Variants in KHDRBS2 observed in about 807,000 individuals in gnomAD.
The protein encoded by KHDRBS2 is KH RNA binding domain containing, signal transduction associated 2.
KHDRBS2 carries 26 observed loss-of-function variants against 44.3 expected under a neutral mutation model. That is an observed-to-expected ratio of 0.59 (90% CI 0.43 to 0.81). The LOEUF (loss-of-function observed/expected upper bound fraction) is 0.81, where lower values mean the gene tolerates loss of function less well. Among genes scored for constraint, KHDRBS2 ranks in the 40% least tolerant of loss-of-function variants. KHDRBS2 has a pLI of 0.00. For missense variants in KHDRBS2, 476 were observed against 433.1 expected (o/e 1.10, Z -0.88); for synonymous variants, 194 against 151.1 (o/e 1.28, Z -2.08).
chr6:61,715,954 A>G (rs1369782258), intron 7 of KHDRBS2, among the ~76,000 whole-genome samples: 1 of 141,106 alleles, frequency 7.1e-6, no homozygotes, highest in Non-Finnish European at 1.5e-5. Flanking sequence ...AAACTGACGT[A>G]GCAGGTTATA....
chr6:61,834,857 T>A (rs1792402767), intron 6 of KHDRBS2, among the ~76,000 whole-genome samples: 1 of 152,074 alleles, frequency 6.6e-6, no homozygotes, highest in Non-Finnish European at 1.5e-5. Flanking sequence ...TTAATACAGA[T>A]TTATTTTAAA....
chr6:61,939,174 C>T (rs1310960446), intron 4 of KHDRBS2, among the ~76,000 whole-genome samples: 1 of 152,124 alleles, frequency 6.6e-6, no homozygotes, highest in East Asian at 1.9e-4. Context: ...GTTGTGAAAT[C>T]TAATACACAT....
At chr6:62,114,206 G>A (rs1399481178) in intron 2 of KHDRBS2, among the ~76,000 whole-genome samples, 1 of 151,910 alleles carries the variant, frequency 6.6e-6, no homozygotes, top group African/African-American at 2.4e-5. Context: ...GATTTGGGTG[G>A]GACACAGCCA....
chr6:61,591,124 T>G, the KHDRBS2 span, among the ~76,000 whole-genome samples: 7 of 152,210 alleles, frequency 4.6e-5, no homozygotes, highest in Non-Finnish European at 1.5e-5. Context: ...TTTCTCATAC[T>G]GTGCTTCAGG....
At chr6:61,655,295 G>T in the KHDRBS2 span, among the ~76,000 whole-genome samples, 1 of 150,224 alleles carries the variant, frequency 6.7e-6, no homozygotes, top group African/African-American at 2.5e-5. Flanking sequence ...TTGCACTGTC[G>T]CCCAGACTGG....
chr6:62,023,164 A>G (rs1315493977), intron 3 of KHDRBS2, among the ~76,000 whole-genome samples: 1 of 151,762 alleles, frequency 6.6e-6, no homozygotes, highest in African/African-American at 2.4e-5. Context: ...CTAAAATTAT[A>G]TACTAATCCA....
chr6:61,610,187 T>A, the KHDRBS2 span, among the ~76,000 whole-genome samples: 1 of 110,410 alleles, frequency 9.1e-6, no homozygotes, highest in African/African-American at 3.7e-5. Flanking sequence ...ATATATATAT[T>A]TAAAAAAAAA....
At chr6:62,266,040 A>G (rs1472044752) in intron 1 of KHDRBS2, among the ~76,000 whole-genome samples, 2 of 151,974 alleles carry the variant, frequency 1.3e-5, no homozygotes, top group African/African-American at 4.8e-5. Flanking sequence ...AGCCTAGTTC[A>G]TGTTTATTCA....
In KHDRBS2 at chr6:61,714,259, A is replaced by AT. The variant is rs1484996126; in HGVS notation, c.894-17007dup. Among the ~76,000 whole-genome samples, 6 of 151,930 alleles carry AT rather than the reference A, an allele frequency of 3.9e-5. No homozygotes were observed. The East Asian group carries it at 7.8e-4, about 20-fold the overall frequency. ...AAAGTAAGCAAACACATAAATAGAC[A>AT]TTTTTTCAAAAGAAGACATAAAAAT... is the stretch of plus-strand genomic sequence containing the variant. On this transcript the variant is annotated intron_variant, in intron 7 of 8. Transcript: ENST00000281156.
chr6:61,878,850 TG>T (rs1361777815), intron 6 of KHDRBS2, among the ~76,000 whole-genome samples: 1 of 151,980 alleles, frequency 6.6e-6, no homozygotes, highest in East Asian at 1.9e-4. Flanking sequence ...GTTTGTAAAA[TG>T]GGCATAATAC....
At chr6:61,780,927 C>T (rs1295232401) in intron 6 of KHDRBS2, among the ~76,000 whole-genome samples, 1 of 152,074 alleles carries the variant, frequency 6.6e-6, no homozygotes, top group African/African-American at 2.4e-5. Context: ...TATGAGGCAT[C>T]CTATTTAGCA....
chr6:61,901,397 G>A lies in KHDRBS2; in HGVS notation c.484-26C>T, dbSNP rs1317467328. On this transcript the variant is annotated intron_variant, in intron 4 of 8. Transcript: ENST00000281156. ...CTGGAGAAAAAACATGATGTGATGA[G>A]TTAAAAATGGGACATGCCGTTCTCA... 3 of 1,562,462 alleles carry A rather than the reference G, an allele frequency of 1.9e-6. No homozygotes were observed. In the South Asian group the frequency reaches 3.5e-5, roughly 18 times the overall value.
chr6:62,173,712 ATAT>A (rs1264705195), intron 2 of KHDRBS2, among the ~76,000 whole-genome samples: 2 of 152,122 alleles, frequency 1.3e-5, no homozygotes, highest in African/African-American at 4.8e-5. Context: ...TAAAAAGCTA[ATAT>A]TCCACAATCA....
Position 61,874,459 on chromosome 6 carries a change from C to A in KHDRBS2, c.810+20176G>T, listed in dbSNP as rs148271416. Among the ~76,000 whole-genome samples, 988 of 152,212 alleles carry A rather than the reference C, an allele frequency of 6.5e-3. 5 individuals are homozygous for A. Among genetic ancestry groups the A allele is most frequent in the Middle Eastern group, 0.014 (4 of 294 alleles). On this transcript the variant is annotated intron_variant, in intron 6 of 8. Transcript: ENST00000281156. ...GCCCCCTCCTTTCTAAATGTGTCTACTTTTTCCCCCATTCTTCATCACCAG... is the reference window on the plus strand; with the variant it reads ...GCCCCCTCCTTTCTAAATGTGTCTAATTTTTCCCCCATTCTTCATCACCAG...
At chr6:61,810,290 T>G (rs1012614225) in intron 6 of KHDRBS2, among the ~76,000 whole-genome samples, 3 of 151,970 alleles carry the variant, frequency 2.0e-5, no homozygotes, top group African/African-American at 7.2e-5. Context: ...CAAGTGACAT[T>G]GCTGAGGTCA....
chr6:62,035,959 T>C (rs1785203135), intron 3 of KHDRBS2, among the ~76,000 whole-genome samples: 1 of 152,024 alleles, frequency 6.6e-6, no homozygotes, highest in Non-Finnish European at 1.5e-5. Context: ...AAATATACTT[T>C]GATCAATTTT....
intron 2 of KHDRBS2, among the ~76,000 whole-genome samples, chr6:62,159,831 G>A (rs538576923): frequency 1.3e-5 from 2 of 152,206 alleles, no homozygotes; most frequent in East Asian, 3.9e-4. Context: ...TACTCCTTAA[G>A]TGGAAGTGAA....
At chr6:62,212,885 T>C (rs1453467168) in intron 1 of KHDRBS2, among the ~76,000 whole-genome samples, 1 of 151,168 alleles carries the variant, frequency 6.6e-6, no homozygotes, top group Non-Finnish European at 1.5e-5. Flanking sequence ...GAAGACTGGA[T>C]GGGGGAGAGA....
chr6:61,914,878 A>G (rs1304618257), intron 4 of KHDRBS2, among the ~76,000 whole-genome samples: 1 of 152,154 alleles, frequency 6.6e-6, no homozygotes, highest in East Asian at 1.9e-4. Flanking sequence ...CCAATGATCA[A>G]AAACAGAGTT....
Sources: allele counts gnomAD v4.1 joint callset (sites outside exome capture counted in the v4.1 genomes callset), GRCh38; gene constraint gnomAD v4.1.1; transcripts MANE v1.5; gene names NCBI Gene and HGNC (gene_info 2026-07-23, HGNC 2026-07-21).